Variants in OLAH observed in about 807,000 individuals in gnomAD.
OLAH encodes oleoyl-ACP hydrolase.
A neutral mutation model predicts 27.8 loss-of-function variants in OLAH; 33 were observed. The ratio of observed to expected loss-of-function variants is 1.19; its 90% CI spans 0.90 to 1.59. OLAH has a LOEUF of 1.59. OLAH is among the 40% of genes most tolerant of loss of function. OLAH has a pLI of 0.00. For synonymous variants in OLAH, 120 were observed against 102.9 expected (o/e 1.17, Z -1.01); for missense variants, 359 against 310.8 (o/e 1.16, Z -1.17).
At chr10:15,052,720 A>C (rs1461350106) in intron 3 of OLAH, among the ~76,000 whole-genome samples, 2 of 147,088 alleles carry the variant, frequency 1.4e-5, no homozygotes, top group Non-Finnish European at 3.0e-5. Context: ...ATTTGTTTGG[A>C]GGGCTTTTCT....
chr10:15,045,536 A>G (rs1843999696), intron 1 of OLAH, among the ~76,000 whole-genome samples: 1 of 152,188 alleles, frequency 6.6e-6, no homozygotes, highest in African/African-American at 2.4e-5. Context: ...TCTGGCCCAG[A>G]ATTACTAAGA....
At chr10:15,036,314 A>G (rs1303330470) in intron 1 of OLAH, among the ~76,000 whole-genome samples, 2 of 152,098 alleles carry the variant, frequency 1.3e-5, no homozygotes, top group Non-Finnish European at 2.9e-5. Flanking sequence ...CCTGGGCAAA[A>G]TGGCGAAACC....
Position 15,071,898 on chromosome 10 carries a change from G to A in OLAH, c.655+21G>A, listed in dbSNP as rs536681385. On this transcript the variant is annotated intron_variant, in intron 7 of 7. Transcript: ENST00000378228. ...GGAAGGTGAAATTATTTTTAGTCTC[G>A]AGTATTGTATTGAAATATATGTTTG... 41 of 1,561,566 alleles carry A rather than the reference G, an allele frequency of 2.6e-5. No individual in the cohort carries two copies. In the East Asian group the frequency reaches 3.1e-4, roughly 12 times the overall value.
chr10:15,061,476 CTTTG>C (rs1844361286), intron 3 of OLAH, among the ~76,000 whole-genome samples: 1 of 151,414 alleles, frequency 6.6e-6, no homozygotes, highest in South Asian at 2.1e-4. Flanking sequence ...TTTTCAGTTC[CTTTG>C]TTTTTTTTTT....
At chr10:15,060,926 G>A (rs534990948) in intron 3 of OLAH, among the ~76,000 whole-genome samples, 9 of 152,230 alleles carry the variant, frequency 5.9e-5, no homozygotes, top group Admixed American at 5.2e-4. Context: ...TAAGTTATTT[G>A]GGATCAGCTT....
chr10:15,045,307 A>G (rs868151452), intron 1 of OLAH, among the ~76,000 whole-genome samples: 27 of 152,202 alleles, frequency 1.8e-4, no homozygotes, highest in Admixed American at 1.7e-3. Flanking sequence ...GAGTAATTCA[A>G]CCTAATTTTA....
At chr10:15,040,097 C>A (rs551844237), upstream of OLAH, among the ~76,000 whole-genome samples, 2 of 152,160 alleles carry the variant, frequency 1.3e-5, no homozygotes, top group Non-Finnish European at 2.9e-5. Context: ...TATGGACTTA[C>A]TCTTTGTCCC....
At chr10:15,046,486 G>A (rs1290872554) in intron 1 of OLAH, among the ~76,000 whole-genome samples, 1 of 151,360 alleles carries the variant, frequency 6.6e-6, no homozygotes, top group African/African-American at 2.4e-5. Flanking sequence ...TTTACTTTTT[G>A]AGATGGAGTC....
intron 3 of OLAH, among the ~76,000 whole-genome samples, chr10:15,053,871 C>T (rs1051154728): frequency 3.9e-5 from 6 of 151,984 alleles, no homozygotes; most frequent in African/African-American, 9.7e-5. Flanking sequence ...TAAGCTACCA[C>T]GCTTGGCTAA....
chr10:15,049,528 A>G, intron 2 of OLAH, 107 bp from the exon 3 acceptor site: 4 of 773,132 alleles, frequency 5.2e-6, no homozygotes, highest in Non-Finnish European at 7.7e-6. Context: ...ATATATGAAC[A>G]TATGTTTCTT....
chr10:15,068,982 G>A (rs1844525547), intron 6 of OLAH, among the ~76,000 whole-genome samples: 2 of 152,074 alleles, frequency 1.3e-5, no homozygotes, highest in South Asian at 4.2e-4. Context: ...CCCTACCCTT[G>A]GCGTTCAATG....
intron 3 of OLAH, among the ~76,000 whole-genome samples, chr10:15,051,079 T>TTATTA (rs58843197): frequency 2.6e-3 from 252 of 98,388 alleles, no homozygotes; most frequent in African/African-American, 9.8e-3. Context: ...ATTATTATTA[T>TTATTA]TTTTTTTTTT....
Position 15,047,150 on chromosome 10 carries a change from A to G in OLAH, c.-139A>G. On this transcript the variant is annotated 5_prime_UTR_variant, in exon 2 of 8. Coordinates refer to ENST00000378228, the MANE Select transcript of OLAH (RefSeq NM_001039702.3). Reference sequence around the variant, plus strand: ...GGGATTGGAGAGGTCAATAAGAGTCAGCGCCTTTAAAAAGAAATCTACTCA... The same window carrying G: ...GGGATTGGAGAGGTCAATAAGAGTCGGCGCCTTTAAAAAGAAATCTACTCA... 3 of 671,340 alleles carry G rather than the reference A, an allele frequency of 4.5e-6. No homozygotes were observed. Among genetic ancestry groups the G allele is most frequent in the Non-Finnish European group, 7.4e-6 (3 of 405,420 alleles). The allele number at this position is 671,340 out of a possible 1,614,324, so 41.6% of individuals were successfully genotyped here. A position where few individuals can be genotyped will look rare whatever the true frequency, so the allele number is the denominator to read the frequency against.
chr10:15,060,126 A>C lies in OLAH; in HGVS notation c.164-1598A>C, dbSNP rs1844334532. ...ATTTATAGTGTACCACAGTGTACTC[A>C]TCAGCTGTGCATTTATTTTGTCATG... On this transcript the variant is annotated intron_variant, in intron 3 of 7. Transcript: ENST00000378228. 2.6e-5 allele frequency among the ~76,000 whole-genome samples: 4 copies of C among 152,118 alleles called. No homozygotes were observed. In the South Asian group the frequency reaches 8.3e-4, roughly 32 times the overall value.
chr10:15,049,100 C>CT (rs752500462), intron 2 of OLAH, among the ~76,000 whole-genome samples: 12,099 of 55,376 alleles, frequency 0.22, 3,236 homozygotes, highest in Non-Finnish European at 0.29. Context: ...GAGACTATGT[C>CT]TTTTTTTTTT....
At chr10:15,051,078 A>ATTT (rs35201278) in intron 3 of OLAH, among the ~76,000 whole-genome samples, 65 of 134,836 alleles carry the variant, frequency 4.8e-4, no homozygotes, top group South Asian at 1.2e-3. Flanking sequence ...TATTATTATT[A>ATTT]TTTTTTTTTT....
intron 3 of OLAH, among the ~76,000 whole-genome samples, chr10:15,056,278 T>C (rs1422547516): frequency 6.6e-6 from 1 of 152,188 alleles, no homozygotes; most frequent in Non-Finnish European, 1.5e-5. Flanking sequence ...ATGAGCATCT[T>C]ATACATGTCT....
chr10:15,071,447 C>T (rs369552699), intron 6 of OLAH: 1 of 886,494 alleles, frequency 1.1e-6, no homozygotes, highest in Non-Finnish European at 1.4e-6. Flanking sequence ...CAGAGCAACC[C>T]TCTGCTGGGC....
chr10:15,066,158 T>G (rs1377978338), intron 6 of OLAH, among the ~76,000 whole-genome samples: 2 of 151,582 alleles, frequency 1.3e-5, no homozygotes, highest in Admixed American at 6.6e-5. Flanking sequence ...GGAGAATCAC[T>G]TGAAGTCAGG....
Sources: allele counts gnomAD v4.1 joint callset (sites outside exome capture counted in the v4.1 genomes callset), GRCh38; gene constraint gnomAD v4.1.1; transcripts MANE v1.5; gene names NCBI Gene and HGNC (gene_info 2026-07-23, HGNC 2026-07-21).